DIAPH3: variants seen among roughly 807,000 people sequenced by gnomAD.
DIAPH3 encodes the protein diaphanous related formin 3, also known as protein diaphanous homolog 3.
Under a neutral mutation model 144.3 loss-of-function variants are expected in DIAPH3, and 117 were observed. The ratio of observed to expected loss-of-function variants is 0.81; its 90% CI spans 0.70 to 0.95. The LOEUF is 0.95. DIAPH3 is among the 40% of genes least tolerant of loss of function. The probability of loss-of-function intolerance (pLI) is 0.00; values close to 1 mark genes in which losing one functional copy is unlikely to be tolerated. For synonymous variants in DIAPH3, 519 were observed against 488.9 expected, an observed-to-expected ratio of 1.06 and a Z score of -0.81; for missense variants, 1,421 against 1,412.7, an observed-to-expected ratio of 1.01 and a Z score of -0.09.
intron 1 of DIAPH3, among the ~76,000 whole-genome samples, chr13:60,149,081 T>C (rs1334303401): frequency 6.6e-6 from 1 of 152,016 alleles, no homozygotes; most frequent in East Asian, 1.9e-4. Flanking sequence ...CAAGGGAAAG[T>C]TGAGGAAAGG....
intron 25 of DIAPH3, among the ~76,000 whole-genome samples, chr13:59,807,364 CA>C (rs1218170963): frequency 6.6e-6 from 1 of 151,886 alleles, no homozygotes; most frequent in East Asian, 1.9e-4. Context: ...AGTTGACTTG[CA>C]AAAATTTCAA....
intron 17 of DIAPH3, among the ~76,000 whole-genome samples, chr13:59,926,320 T>C (rs987730419): frequency 2.0e-5 from 3 of 152,170 alleles, no homozygotes; most frequent in African/African-American, 7.2e-5. Context: ...TTTCATTTAG[T>C]TCTGCTCTGA....
intron 7 of DIAPH3, 85 bp from the exon 8 acceptor site, chr13:60,010,754 AATTT>A: frequency 7.4e-7 from 1 of 1,344,806 alleles, no homozygotes; most frequent in South Asian, 1.3e-5. Context: ...TATTAAAAAA[AATTT>A]ATAGGACATT....
intron 17 of DIAPH3, among the ~76,000 whole-genome samples, chr13:59,957,119 G>A (rs911965374): frequency 3.3e-5 from 5 of 152,138 alleles, no homozygotes; most frequent in Middle Eastern, 3.2e-3. Flanking sequence ...TTGAGTTAAT[G>A]CTGAAATGAG....
chr13:59,779,615 G>A (rs577148018), intron 25 of DIAPH3, among the ~76,000 whole-genome samples: 3 of 151,790 alleles, frequency 2.0e-5, no homozygotes, highest in Non-Finnish European at 4.4e-5. Flanking sequence ...GGGTCCAAGC[G>A]ATTCTCCTGT....
At chr13:59,987,250 T>G (rs1308677684) in intron 12 of DIAPH3, among the ~76,000 whole-genome samples, 2 of 149,480 alleles carry the variant, frequency 1.3e-5, no homozygotes, top group African/African-American at 4.9e-5. Flanking sequence ...CCGCATATTC[T>G]CACTCATAGG....
At chr13:60,028,676 T>G (rs576198369) in intron 5 of DIAPH3, among the ~76,000 whole-genome samples, 4 of 152,164 alleles carry the variant, frequency 2.6e-5, no homozygotes, top group Non-Finnish European at 4.4e-5. Context: ...CCACTCCACA[T>G]ATGTAAGCTC....
intron 27 of DIAPH3, among the ~76,000 whole-genome samples, chr13:59,737,888 C>T (rs188510529): frequency 2.0e-5 from 3 of 152,036 alleles, no homozygotes; most frequent in South Asian, 2.1e-4. Flanking sequence ...AAAATTAGGC[C>T]GGGCACAGTG....
At chr13:60,159,478 A>T (rs1480369397) in intron 1 of DIAPH3, among the ~76,000 whole-genome samples, 1 of 152,000 alleles carries the variant, frequency 6.6e-6, no homozygotes, top group Non-Finnish European at 1.5e-5. Flanking sequence ...ATACAAAATT[A>T]GCCGGGCGTA....
At position 59,871,199 on chromosome 13, in the gene DIAPH3, G is replaced by A. The variant is rs376615688; in HGVS notation, c.2607+8030C>T. On this transcript the variant is annotated intron_variant, in intron 21 of 27. Transcript: ENST00000400324. ...TTATTTTTTGTCCATTTTTTTTGGG[G>A]GGGGGGGTGGCGGGCATTCTACACA... is the stretch of plus-strand genomic sequence containing the variant. Among the ~76,000 whole-genome samples the A allele has an allele frequency of 4.5e-4, 66 of 145,282 alleles. 2 individuals carry two copies. The South Asian group carries it at 9.2e-3, about 20-fold the overall frequency.
rs892035075 is a variant in DIAPH3 at position 59,897,676 on chromosome 13, G to A, written c.2367+14059C>T. Reference sequence around the variant, plus strand: ...GGCAAGAGAATCGTTTGAACCCAGGGGGCGGAGGTTACAGTGAGCCAAGAT... The same window carrying A: ...GGCAAGAGAATCGTTTGAACCCAGGAGGCGGAGGTTACAGTGAGCCAAGAT... On this transcript the variant is annotated intron_variant, in intron 20 of 27. Transcript: ENST00000400324. Among the ~76,000 whole-genome samples the A allele has an allele frequency of 5.9e-4, 89 of 151,544 alleles. 1 individual carries two copies. Among genetic ancestry groups the A allele is most frequent in the Non-Finnish European group, 1.1e-3 (78 of 67,876 alleles).
chr13:60,033,035 C>T (rs2054920838), intron 5 of DIAPH3, among the ~76,000 whole-genome samples: 1 of 152,178 alleles, frequency 6.6e-6, no homozygotes. Context: ...TCCACAAATC[C>T]CAAGGGCAGA....
At chr13:59,844,491 G>A (rs1415640338) in intron 22 of DIAPH3, among the ~76,000 whole-genome samples, 34 of 133,414 alleles carry the variant, frequency 2.5e-4, no homozygotes, top group Admixed American at 6.8e-4. Context: ...GTGACGGAGC[G>A]AGACTCCATC....
chr13:59,863,283 TAA>T (rs142180998), intron 21 of DIAPH3, among the ~76,000 whole-genome samples: 9 of 149,590 alleles, frequency 6.0e-5, no homozygotes, highest in African/African-American at 1.7e-4. Flanking sequence ...AATAAAGGGT[TAA>T]AAAAAAAATC....
At chr13:59,935,840 T>G (rs1364057719) in intron 17 of DIAPH3, among the ~76,000 whole-genome samples, 1 of 152,196 alleles carries the variant, frequency 6.6e-6, no homozygotes, top group East Asian at 1.9e-4. Context: ...AAAAGAAGTC[T>G]GTTTGACAAT....
intron 25 of DIAPH3, among the ~76,000 whole-genome samples, chr13:59,800,566 T>A (rs145555882): frequency 1.1e-3 from 165 of 152,334 alleles, no homozygotes; most frequent in African/African-American, 3.7e-3. Flanking sequence ...AGACATTTTA[T>A]GCTCAATCTC....
In DIAPH3 at chr13:59,911,749, G is replaced by T. The variant is rs374024973; in HGVS notation, c.2353C>A (p.Gln785Lys). 6.2e-7 allele frequency: 1 copy of T among 1,613,360 alleles called. No homozygotes were observed. Residue 785 changes from glutamine to lysine, a missense_variant, in exon 20 of 28, where the codon CAG becomes AAG. Transcript: ENST00000400324. ...TCGGTACTTACCACAACCACAAACT[G>T]CTCAGGTTCACATAAGTTGCTATAT... ...SEYSNLCEPE[Q>K]FVVVMSNVKR... is the part of the protein sequence containing the mutation.
chr13:60,064,390 T>C (rs553858544), intron 4 of DIAPH3, among the ~76,000 whole-genome samples: 2 of 152,382 alleles, frequency 1.3e-5, no homozygotes, highest in Admixed American at 1.3e-4. Context: ...TGATCTTAGT[T>C]ACACCTTCTG....
intron 17 of DIAPH3, among the ~76,000 whole-genome samples, chr13:59,963,538 A>T (rs917105025): frequency 6.0e-5 from 9 of 150,098 alleles, no homozygotes; most frequent in African/African-American, 2.2e-4. Flanking sequence ...TCCTATCTTG[A>T]CCCTATTCTC....
Sources: allele counts gnomAD v4.1 joint callset (sites outside exome capture counted in the v4.1 genomes callset), GRCh38; gene constraint gnomAD v4.1.1; transcripts MANE v1.5; gene names NCBI Gene and HGNC (gene_info 2026-07-23, HGNC 2026-07-21).